ABCA8: variants seen among roughly 807,000 people sequenced by gnomAD.
ABCA8 encodes ABC-type organic anion transporter ABCA8.
Under a neutral mutation model 192.3 loss-of-function variants are expected in ABCA8, and 177 were observed. The observed-to-expected ratio is 0.92, with a 90% confidence interval of 0.81 to 1.04. ABCA8 has a LOEUF of 1.04. Ranked by LOEUF, ABCA8 falls within the 50% of genes least tolerant of loss-of-function variation. The probability of loss-of-function intolerance (pLI) is 0.00; values close to 1 mark genes in which losing one functional copy is unlikely to be tolerated. For missense variants in ABCA8, 1,915 were observed against 1,904.8 expected (o/e 1.01, Z -0.10); for synonymous variants, 642 against 690.2 (o/e 0.93, Z 1.09).
Position 68,933,284 on chromosome 17 carries a change from A to T in ABCA8, c.467-13T>A. 1 of 1,476,910 alleles carries T rather than the reference A, an allele frequency of 6.8e-7. No individual in the cohort carries two copies. The highest frequency in any genetic ancestry group is 9.4e-7 in the Non-Finnish European group (1 of 1,058,988). 91.5% of individuals were successfully genotyped at this position (1,476,910 alleles called of 1,614,324 possible). A position where few individuals can be genotyped will look rare whatever the true frequency, so the allele number is the denominator to read the frequency against. Reference sequence around the variant, plus strand: ...TCATAACAATGAGCTTTGTGAAAAAACAAATCATAACTATCATTACATCAC... The same window carrying T: ...TCATAACAATGAGCTTTGTGAAAAATCAAATCATAACTATCATTACATCAC... On this transcript the variant is annotated splice_polypyrimidine_tract_variant and intron_variant, in intron 5 of 39. Transcript: ENST00000586539.
chr17:68,874,150 T>G (rs1251964728), intron 37 of ABCA8, among the ~76,000 whole-genome samples: 1 of 152,206 alleles, frequency 6.6e-6, no homozygotes, highest in Non-Finnish European at 1.5e-5. Context: ...TTTCAAGATT[T>G]GCCAAAGTCA....
chr17:68,918,960 A>T (rs1031291625), intron 14 of ABCA8, among the ~76,000 whole-genome samples: 5 of 151,106 alleles, frequency 3.3e-5, no homozygotes. Context: ...AAAAAAGAAC[A>T]AACACTGGAG....
At position 68,931,315 on chromosome 17, in the gene ABCA8, G is replaced by A. The variant is rs116820000; in HGVS notation, c.797+973C>T. Among the ~76,000 whole-genome samples, 481 of 152,314 alleles carry A rather than the reference G, an allele frequency of 3.2e-3. 3 individuals carry two copies. Among genetic ancestry groups the A allele is most frequent in the African/African-American group, 0.011 (467 of 41,556 alleles). ...CCTGGCAAACATTACACCAATGACA[G>A]TTTATACCATTCATGGGGATAAAGG... On this transcript the variant is annotated intron_variant, in intron 7 of 39. Transcript: ENST00000586539.
At position 68,876,623 on chromosome 17, in the gene ABCA8, C is replaced by G. The variant is rs546512639; in HGVS notation, c.4275+5G>C. On this transcript the variant is annotated splice_donor_5th_base_variant and intron_variant, in intron 34 of 39. Coordinates refer to ENST00000586539, the MANE Select transcript of ABCA8 (RefSeq NM_001288985.2). ...TTGCAGAGCAACACCAAGCCCTGCC[C>G]GTACCTTTCTCTTTATTCCCTCTGA... 3 of 1,614,156 alleles carry G rather than the reference C, an allele frequency of 1.9e-6. No individual in the cohort carries two copies. Among genetic ancestry groups the G allele is most frequent in the South Asian group, 2.2e-5 (2 of 91,078 alleles).
intron 17 of ABCA8, among the ~76,000 whole-genome samples, chr17:68,908,084 A>G (rs1598238580): frequency 2.0e-5 from 3 of 152,218 alleles, no homozygotes; most frequent in African/African-American, 4.8e-5. Flanking sequence ...TGTGATGGAC[A>G]AAAGAAAAGA....
intron 37 of ABCA8, among the ~76,000 whole-genome samples, chr17:68,874,458 A>G (rs531415223): frequency 1.3e-5 from 2 of 152,334 alleles, no homozygotes; most frequent in East Asian, 3.9e-4. Flanking sequence ...TTTGAAAATT[A>G]AGAAGATTTA....
intron 17 of ABCA8, among the ~76,000 whole-genome samples, chr17:68,909,120 C>T (rs1720840716): frequency 6.6e-6 from 1 of 152,128 alleles, no homozygotes; most frequent in Non-Finnish European, 1.5e-5. Flanking sequence ...AGAATTATTC[C>T]TTGGCCACTT....
Position 68,894,652 on chromosome 17 carries a change from T to C in ABCA8, c.2898+228A>G, listed in dbSNP as rs115469053. 2.8e-3 allele frequency: 1,501 copies of C among 536,998 alleles called. 20 individuals carry two copies. Among genetic ancestry groups the C allele is most frequent in the African/African-American group, 0.026 (1,341 of 52,086 alleles). 33.3% of individuals were successfully genotyped at this position (536,998 alleles called of 1,614,324 possible). A position where few individuals can be genotyped will look rare whatever the true frequency, so the allele number is the denominator to read the frequency against. ...GGGAAACATGAAATGTTCGAACTTA[T>C]ATATAGTCTTGATAGTAGGTATTCT... On this transcript the variant is annotated intron_variant, in intron 22 of 39. Coordinates refer to ENST00000586539, the MANE Select transcript of ABCA8 (RefSeq NM_001288985.2).
Position 68,887,344 on chromosome 17 carries a change from T to C in ABCA8, c.3307A>G (p.Ile1103Val), listed in dbSNP as rs1270852133. 6.2e-7 allele frequency: 1 copy of C among 1,600,208 alleles called. No homozygotes were observed. The highest frequency in any genetic ancestry group is 8.5e-7 in the Non-Finnish European group (1 of 1,171,812). The change falls in exon 25 of 40, where the codon ATT becomes GTT. Residue 1103 changes from isoleucine to valine, a missense_variant. Ile to Val is a conservative substitution (Grantham distance 29). Transcript: ENST00000586539. ...FEDMLLTIIH[I>V]IQIPCAVGYS... ...TGGATATTGTCACTTACTTGAATAATATGAATTATTGTAAGTAGCATGTCT... is the reference window on the plus strand; with the variant it reads ...TGGATATTGTCACTTACTTGAATAACATGAATTATTGTAAGTAGCATGTCT...
Position 68,907,741 on chromosome 17 carries a change from T to A in ABCA8, c.2277A>T (p.Pro759=). The A allele has an allele frequency of 6.3e-7, 1 of 1,583,362 alleles. No individual in the cohort carries two copies. The highest frequency in any genetic ancestry group is 1.2e-5 in the South Asian group (1 of 83,412). Residue 759 remains proline (P), a splice_region_variant and synonymous_variant, in exon 18 of 40, where the codon CCA becomes CCT. Coordinates refer to ENST00000586539, the MANE Select transcript of ABCA8 (RefSeq NM_001288985.2). The part of the protein sequence containing the change: ...TLPLERTNKF[P]ELYKDLDSYP... The stretch of plus-strand genomic sequence containing the variant: ...TTTCACAGTGTTCATGCACATTACC[T>A]GGAAATTTATTTGTTCTTTCTAAGG...
intron 10 of ABCA8, among the ~76,000 whole-genome samples, chr17:68,926,947 T>C (rs1336776082): frequency 1.3e-5 from 2 of 152,068 alleles, no homozygotes; most frequent in South Asian, 2.1e-4. Flanking sequence ...CCTTTGGTTA[T>C]AAAAGGAGGG....
chr17:68,929,789 C>G, intron 7 of ABCA8, 87 bp from the exon 8 acceptor site: 8 of 1,158,698 alleles, frequency 6.9e-6, no homozygotes, highest in African/African-American at 1.5e-5. Flanking sequence ...ACTCTTCATT[C>G]ACTTATTCAT....
At position 68,911,643 on chromosome 17, in the gene ABCA8, G is replaced by A. The variant is rs544373381; in HGVS notation, c.2139-3764C>T. Reference sequence around the variant, plus strand: ...CGGGTCTTGGGAAAGACCCAGTGCTGTATTGGCTTTAGATCTGACCCAGCA... The same window carrying A: ...CGGGTCTTGGGAAAGACCCAGTGCTATATTGGCTTTAGATCTGACCCAGCA... On this transcript the variant is annotated intron_variant, in intron 17 of 39. Coordinates refer to ENST00000586539, the MANE Select transcript of ABCA8 (RefSeq NM_001288985.2). The surrounding 1 kb of genome is among the most constrained non-coding windows in gnomAD (Gnocchi z 5.7). Among the ~76,000 whole-genome samples, 1 of 152,180 alleles carries A rather than the reference G, an allele frequency of 6.6e-6. No individual in the cohort carries two copies. Among genetic ancestry groups the A allele is most frequent in the African/African-American group, 2.4e-5 (1 of 41,540 alleles).
chr17:68,933,213 T>C lies in ABCA8; in HGVS notation c.525A>G (p.Glu175=). The change falls in exon 6 of 40, where the codon GAA becomes GAG. Residue 175 remains glutamate (E), a synonymous_variant. Coordinates refer to ENST00000586539, the MANE Select transcript of ABCA8 (RefSeq NM_001288985.2). ...VYCEVSVFWK[E]GFVALQAAIN... is the part of the protein sequence containing the mutation. ...TGGCAGCTTGAAGAGCCACAAAACC[T>C]TCCTTCCAAAATACTGAAACTTCAC... The C allele has an allele frequency of 6.2e-7, 1 of 1,613,424 alleles. No homozygotes were observed. The highest frequency in any genetic ancestry group is 1.1e-5 in the South Asian group (1 of 91,024).
intron 5 of ABCA8, 58 bp from the exon 6 acceptor site, chr17:68,933,329 TG>T: frequency 8.8e-7 from 1 of 1,133,344 alleles, no homozygotes; most frequent in Non-Finnish European, 1.3e-6. Context: ...TATTGAAATA[TG>T]ATTTTAATAC....
In ABCA8 at chr17:68,932,362, A is replaced by G. The variant is rs769624564; in HGVS notation, c.723T>C (p.Ser241=). The stretch of plus-strand genomic sequence containing the variant: ...TTTTCCTCTCTCTTGTGACATTAAC[A>G]GATGCATAGTAAATGAATGAGGAAA... ...ISFSSFIYYA[S]VNVTRERKRM... The change falls in exon 7 of 40, where the codon TCT becomes TCC. Residue 241 remains serine (S), a synonymous_variant. Transcript: ENST00000586539. 8 of 1,614,112 alleles carry G rather than the reference A, an allele frequency of 5.0e-6. No individual in the cohort carries two copies. Among genetic ancestry groups the G allele is most frequent in the Non-Finnish European group, 5.9e-6 (7 of 1,179,944 alleles).
intron 5 of ABCA8, among the ~76,000 whole-genome samples, chr17:68,934,324 T>C (rs2143717307): frequency 6.6e-6 from 1 of 152,302 alleles, no homozygotes; most frequent in Non-Finnish European, 1.5e-5. Context: ...TCTGCTGCTA[T>C]AAAAATCTGT....
At chr17:68,945,084 A>C (rs1021450239) in intron 2 of ABCA8, among the ~76,000 whole-genome samples, 5 of 152,158 alleles carry the variant, frequency 3.3e-5, no homozygotes, top group African/African-American at 1.2e-4. Flanking sequence ...GGGAAGGGTA[A>C]GATAATGGAG....
At chr17:68,941,333 T>A (rs371800898) in intron 3 of ABCA8, among the ~76,000 whole-genome samples, 1 of 152,142 alleles carries the variant, frequency 6.6e-6, no homozygotes, top group Non-Finnish European at 1.5e-5. Flanking sequence ...AAATGCATGA[T>A]CTTAGGGGAA....
Sources: allele counts gnomAD v4.1 joint callset (sites outside exome capture counted in the v4.1 genomes callset), GRCh38; gene constraint gnomAD v4.1.1; non-coding constraint Gnocchi (gnomAD v3.1); transcripts MANE v1.5; gene names NCBI Gene and HGNC (gene_info 2026-07-23, HGNC 2026-07-21).